CACNA1C: variants seen among roughly 807,000 people sequenced by gnomAD.
The protein encoded by CACNA1C is calcium voltage-gated channel subunit alpha1 C.
Under a neutral mutation model 229.0 loss-of-function variants are expected in CACNA1C, and 30 were observed. That is an observed-to-expected ratio of 0.13 (90% CI 0.10 to 0.18). The LOEUF (loss-of-function observed/expected upper bound fraction) is 0.18, where lower values mean the gene tolerates loss of function less well. Among genes scored for constraint, CACNA1C ranks in the 10% least tolerant of loss-of-function variants. The pLI, the probability that CACNA1C is intolerant of heterozygous loss-of-function variation, is 1.00. For synonymous variants in CACNA1C, 1,114 were observed against 1,132.5 expected (o/e 0.98, Z 0.33); for missense variants, 1,658 against 2,845.0 (o/e 0.58, Z 9.49).
chr12:2,525,892 G>T (rs748185853), intron 9 of CACNA1C, among the ~76,000 whole-genome samples: 1 of 152,216 alleles, frequency 6.6e-6, no homozygotes, highest in Non-Finnish European at 1.5e-5. Flanking sequence ...TGATCACTTT[G>T]TGTCGATGCC....
chr12:2,019,159 AG>A (rs2045937999), intron 1 of CACNA1C, among the ~76,000 whole-genome samples: 4 of 152,072 alleles, frequency 2.6e-5, no homozygotes, highest in African/African-American at 9.7e-5. Flanking sequence ...GAGCTGACTG[AG>A]GATTAGAAAT....
rs532681348 is a variant in CACNA1C at position 2,462,406 on chromosome 12, C to T, written c.757+4700C>T. 4.3e-4 allele frequency among the ~76,000 whole-genome samples: 61 copies of T among 142,878 alleles called. 3 individuals are homozygous for T. The South Asian group carries it at 0.014, about 32-fold the overall frequency. The allele number at this position is 142,878 out of a possible 152,430, so 93.7% of individuals were successfully genotyped here. On this transcript the variant is annotated intron_variant, in intron 5 of 46. Coordinates refer to ENST00000399655, the MANE Select transcript of CACNA1C (RefSeq NM_000719.7). ...CCGCTGATGCCATCCCCTCACTCCC[C>T]GTTCATCCACCCTTCCCTGCTCCAT... is the stretch of plus-strand genomic sequence containing the variant.
Position 2,005,079 on chromosome 12 carries a change from G to C in CACNA1C, c.139+33878G>C, listed in dbSNP as rs567531869. Among the ~76,000 whole-genome samples the C allele has an allele frequency of 1.4e-3, 214 of 151,900 alleles. 1 individual carries two copies. Among genetic ancestry groups the C allele is most frequent in the African/African-American group, 5.1e-3 (211 of 41,406 alleles). On this transcript the variant is annotated intron_variant, in intron 1 of 46. Transcript: ENST00000682462. ...AGCGCCGGTGGTTTAACCCAATCAA[G>C]GCAGGGGCACCAAACTGTATTGCTA...
intron 45 of CACNA1C, among the ~76,000 whole-genome samples, chr12:2,688,029 C>G (rs542704347): frequency 6.6e-6 from 1 of 152,340 alleles, no homozygotes; most frequent in East Asian, 1.9e-4. Flanking sequence ...AGCCTCACAC[C>G]AGCCCCACAG....
intron 1 of CACNA1C, among the ~76,000 whole-genome samples, chr12:2,104,331 T>A (rs1354633987): frequency 1.3e-5 from 2 of 152,154 alleles, no homozygotes; most frequent in African/African-American, 4.8e-5. Context: ...ATTCTCTTTG[T>A]TGCAGTTGTG....
chr12:2,388,851 G>A (rs1208215904), intron 3 of CACNA1C, among the ~76,000 whole-genome samples: 2 of 152,228 alleles, frequency 1.3e-5, no homozygotes, highest in East Asian at 1.9e-4. Flanking sequence ...TGTTGGGTTT[G>A]TGGAGTTGGC....
chr12:2,127,534 C>G (rs924576382), intron 3 of CACNA1C, among the ~76,000 whole-genome samples: 1 of 152,214 alleles, frequency 6.6e-6, no homozygotes, highest in African/African-American at 2.4e-5. Context: ...TAGATAACTA[C>G]AAGCAACAAA....
At chr12:2,379,993 T>C (rs2098191188) in intron 3 of CACNA1C, among the ~76,000 whole-genome samples, 1 of 135,344 alleles carries the variant, frequency 7.4e-6, no homozygotes, top group Non-Finnish European at 1.6e-5. Context: ...ATCCCGCCAC[T>C]GCACTCCAGC....
rs1045033908 is a variant in CACNA1C, at chr12:2,647,591, C to G, written c.3913-884C>G. 6.6e-6 allele frequency among the ~76,000 whole-genome samples: 1 copy of G among 152,238 alleles called. No individual in the cohort carries two copies. Among genetic ancestry groups the G allele is most frequent in the Non-Finnish European group, 1.5e-5 (1 of 68,042 alleles). ...CATCTCCTGCCTGAGCCTGAGCTTT[C>G]AGAACAAGCCCCATTATGGAGTGGG... On this transcript the variant is annotated intron_variant, in intron 30 of 46. Coordinates refer to ENST00000399655, the MANE Select transcript of CACNA1C (RefSeq NM_000719.7). The surrounding 1 kb of genome is among the most constrained non-coding windows in gnomAD (Gnocchi z 4.2).
At chr12:2,409,655 G>A (rs1374028688) in intron 3 of CACNA1C, among the ~76,000 whole-genome samples, 4 of 152,188 alleles carry the variant, frequency 2.6e-5, no homozygotes, top group South Asian at 2.1e-4. Flanking sequence ...TTGAAGTTAG[G>A]TGCCTTGATT....
intron 13 of CACNA1C, among the ~76,000 whole-genome samples, chr12:2,580,555 A>G (rs187175589): frequency 6.6e-6 from 1 of 152,348 alleles, no homozygotes; most frequent in Admixed American, 6.5e-5. Context: ...CCTCAGGGCC[A>G]TGTCCTTTTG....
intron 3 of CACNA1C, among the ~76,000 whole-genome samples, chr12:2,278,473 A>G (rs1048667225): frequency 9.9e-5 from 15 of 151,664 alleles, no homozygotes; most frequent in African/African-American, 1.7e-4. Flanking sequence ...TATATTTTCT[A>G]TTGTTTTATA....
chr12:2,631,623 T>A (rs2090443468), intron 29 of CACNA1C, among the ~76,000 whole-genome samples: 1 of 152,210 alleles, frequency 6.6e-6, no homozygotes. Context: ...GTGACTTAAA[T>A]GGGAGAAAGA....
At chr12:2,182,539 T>C (rs1389522623) in intron 3 of CACNA1C, among the ~76,000 whole-genome samples, 3 of 152,222 alleles carry the variant, frequency 2.0e-5, no homozygotes, top group Admixed American at 6.5e-5. Context: ...TGTTACAAAA[T>C]GTAAAGTTAC....
chr12:2,063,815 C>A (rs2058391726), intron 1 of CACNA1C, among the ~76,000 whole-genome samples: 1 of 152,176 alleles, frequency 6.6e-6, no homozygotes. Context: ...GCGTTTTCAC[C>A]TTTTGGCTAT....
At chr12:2,425,416 G>GT (rs1053819819) in intron 3 of CACNA1C, among the ~76,000 whole-genome samples, 2 of 152,288 alleles carry the variant, frequency 1.3e-5, no homozygotes, top group African/African-American at 4.8e-5. Context: ...TCCTTTTCCT[G>GT]TTTTTTGGGT....
intron 3 of CACNA1C, among the ~76,000 whole-genome samples, chr12:2,144,688 T>A (rs557536448): frequency 6.6e-6 from 1 of 151,604 alleles, no homozygotes; most frequent in African/African-American, 2.4e-5. Flanking sequence ...ATGATCACTG[T>A]ATTTCATGGA....
intron 1 of CACNA1C, among the ~76,000 whole-genome samples, chr12:1,989,212 T>G (rs186862821): frequency 2.9e-4 from 44 of 152,280 alleles, no homozygotes; most frequent in Admixed American, 2.9e-3. Context: ...AGCAAGATCC[T>G]GTCTCTAAAA....
At chr12:2,055,394 A>G (rs1163005100) in intron 1 of CACNA1C, among the ~76,000 whole-genome samples, 1 of 152,196 alleles carries the variant, frequency 6.6e-6, no homozygotes, top group African/African-American at 2.4e-5. Flanking sequence ...TATCACTGTC[A>G]ATGGCAATGT....
Sources: allele counts gnomAD v4.1 joint callset (sites outside exome capture counted in the v4.1 genomes callset), GRCh38; gene constraint gnomAD v4.1.1; non-coding constraint Gnocchi (gnomAD v3.1); transcripts MANE v1.5; gene names NCBI Gene and HGNC (gene_info 2026-07-23, HGNC 2026-07-21).